Variants in RFESD observed in about 807,000 individuals in gnomAD.
The protein encoded by RFESD is Rieske Fe-S domain containing.
In RFESD, 16 loss-of-function variants were observed where a neutral mutation model predicts 24.4. That is an observed-to-expected ratio of 0.66 (90% CI 0.44 to 1.00). RFESD has a LOEUF of 1.00. Among genes scored for constraint, RFESD ranks in the 50% least tolerant of loss-of-function variants. The probability of loss-of-function intolerance (pLI) is 0.00; values close to 1 mark genes in which losing one functional copy is unlikely to be tolerated. For synonymous variants in RFESD, 59 were observed against 81.8 expected, an observed-to-expected ratio of 0.72 and a Z score of 1.50; for missense variants, 208 against 247.0, an observed-to-expected ratio of 0.84 and a Z score of 1.06.
intron 1 of RFESD, among the ~76,000 whole-genome samples, chr5:95,651,831 G>A (rs903545132): frequency 9.9e-5 from 15 of 152,282 alleles, no homozygotes; most frequent in African/African-American, 3.4e-4. Flanking sequence ...ATATTAAAGA[G>A]TGGAATAGGA....
chr5:95,648,648 A>G (rs772661991), intron 1 of RFESD, among the ~76,000 whole-genome samples: 5 of 152,166 alleles, frequency 3.3e-5, no homozygotes, highest in Non-Finnish European at 7.4e-5. Flanking sequence ...CACAGCCATA[A>G]TCATAGTTCT....
intron 1 of RFESD, chr5:95,647,347 G>C (rs1750148622): frequency 2.0e-5 from 3 of 152,276 alleles, no homozygotes; most frequent in East Asian, 1.9e-4. Flanking sequence ...GTTTTCTGCG[G>C]TTAGGCCTGC....
At chr5:95,647,384 A>G (rs1750150791) in intron 1 of RFESD, 1 of 152,210 alleles carries the variant, frequency 6.6e-6, no homozygotes. Flanking sequence ...GTGTTAAAGC[A>G]TTTATGTGCT....
In RFESD at chr5:95,656,990, T is replaced by C. The variant is rs937676161; in HGVS notation, c.*681T>C. 2 of 152,108 alleles carry C rather than the reference T, an allele frequency of 1.3e-5. No homozygotes were observed. The highest frequency in any genetic ancestry group is 4.8e-5 in the African/African-American group (2 of 41,418). 9.4% of individuals were successfully genotyped at this position (152,108 alleles called of 1,614,324 possible). A position where few individuals can be genotyped will look rare whatever the true frequency, so the allele number is the denominator to read the frequency against. ...ACTTGAAAATAAGAAACTTAACCAC[T>C]GTTAAGTGATCTGTGATCAAGGCAG... On this transcript the variant is annotated 3_prime_UTR_variant, in exon 6 of 6. Transcript: ENST00000380005.
chr5:95,651,384 A>G (rs1750329640), intron 1 of RFESD, among the ~76,000 whole-genome samples: 1 of 152,174 alleles, frequency 6.6e-6, no homozygotes. Context: ...AGCATTCCAC[A>G]GCAAACTTTT....
Position 95,656,402 on chromosome 5 carries a change from A to C in RFESD, c.*93A>C. ...GTTTTAAAGGTGATGAAATTTTTCA[A>C]CATAGGCACAACTGTTTAAAATTCA... is the stretch of plus-strand genomic sequence containing the variant. On this transcript the variant is annotated 3_prime_UTR_variant, in exon 6 of 6. Transcript: ENST00000380005. 2 of 960,054 alleles carry C rather than the reference A, an allele frequency of 2.1e-6. No individual in the cohort carries two copies. The highest frequency in any genetic ancestry group is 1.5e-6 in the Non-Finnish European group (1 of 645,928). 59.5% of individuals were successfully genotyped at this position (960,054 alleles called of 1,614,324 possible).
intron 1 of RFESD, among the ~76,000 whole-genome samples, chr5:95,651,211 AT>A (rs1272233661): frequency 6.6e-6 from 1 of 152,174 alleles, no homozygotes; most frequent in African/African-American, 2.4e-5. Flanking sequence ...GGAAAGGTAC[AT>A]TATCATGTTG....
chr5:95,653,115 A>C lies in RFESD; in HGVS notation c.61-2A>C. ...AGGCTTTTGTATTTGCTCTTCTTTC[A>C]GTATGGAATTCTCTTCCCCAAGCTG... On this transcript the variant is annotated splice_acceptor_variant, in intron 2 of 5. Coordinates refer to ENST00000380005, the MANE Select transcript of RFESD (RefSeq NM_001131066.2). LOFTEE classifies it high-confidence loss of function. 6.4e-7 allele frequency: 1 copy of C among 1,551,540 alleles called. No individual in the cohort carries two copies. The highest frequency in any genetic ancestry group is 8.7e-7 in the Non-Finnish European group (1 of 1,146,954).
At position 95,650,870 on chromosome 5, in the gene RFESD, G is replaced by A. The variant is rs139259738; in HGVS notation, c.-135-1267G>A. Reference sequence around the variant, plus strand: ...TCCCAGCACATTGGGAGGCCGAGGCGGGCGGATCATGAGGTCAGGAGATCG... The same window carrying A: ...TCCCAGCACATTGGGAGGCCGAGGCAGGCGGATCATGAGGTCAGGAGATCG... On this transcript the variant is annotated intron_variant, in intron 1 of 5. Coordinates refer to ENST00000380005, the MANE Select transcript of RFESD (RefSeq NM_001131066.2). 4.8e-3 allele frequency among the ~76,000 whole-genome samples: 736 copies of A among 152,194 alleles called. 2 individuals carry two copies. The highest frequency in any genetic ancestry group is 0.017 in the African/African-American group (714 of 41,534).
chr5:95,654,260 A>C lies in RFESD; in HGVS notation c.334+24A>C. 4 of 1,609,964 alleles carry C rather than the reference A, an allele frequency of 2.5e-6. No homozygotes were observed. In the Admixed American group the frequency reaches 5.0e-5, roughly 20 times the overall value. ...CCGTAAGATTTTATTTTTCATTTGTAAAACTTTAAACCATGAAACTATCAA... is the reference window on the plus strand; with the variant it reads ...CCGTAAGATTTTATTTTTCATTTGTCAAACTTTAAACCATGAAACTATCAA... On this transcript the variant is annotated intron_variant, in intron 4 of 5. Coordinates refer to ENST00000380005, the MANE Select transcript of RFESD (RefSeq NM_001131066.2).
At chr5:95,652,969 C>G in intron 2 of RFESD, 148 bp from the exon 3 acceptor site, 1 of 1,110,392 alleles carries the variant, frequency 9.0e-7, no homozygotes, top group East Asian at 2.6e-5. Flanking sequence ...AGTGGCTTTC[C>G]TTTGCTCTTA....
In RFESD at chr5:95,654,227, C is replaced by T. The variant is rs764934254; in HGVS notation, c.325C>T (p.Arg109Cys). ...GGGAGAATATCATGCTATGGATATT[C>T]GCTGTTACCGTAAGATTTTATTTTT... Reference protein sequence around the residue: ...HKGEYHAMDIRCYHSGGPLHL... With the variant: ...HKGEYHAMDICCYHSGGPLHL... Residue 109 changes from arginine to cysteine, a missense_variant, in exon 4 of 6, where the codon CGC (arginine) becomes TGC (cysteine). Arg to Cys is a radical substitution (Grantham distance 180). Coordinates refer to ENST00000380005, the MANE Select transcript of RFESD (RefSeq NM_001131066.2). 56 of 1,611,710 alleles carry T rather than the reference C, an allele frequency of 3.5e-5. No homozygotes were observed. The Middle Eastern group carries it at 8.7e-4, about 25-fold the overall frequency.
intron 1 of RFESD, among the ~76,000 whole-genome samples, chr5:95,651,661 T>C (rs1345623861): frequency 2.0e-5 from 3 of 152,254 alleles, no homozygotes; most frequent in Admixed American, 1.3e-4. Flanking sequence ...CCTCCCAAAG[T>C]GCTGGGATTA....
At position 95,656,335 on chromosome 5, in the gene RFESD, G is replaced by A. The variant is rs747678988; in HGVS notation, c.*26G>A. On this transcript the variant is annotated 3_prime_UTR_variant, in exon 6 of 6. Coordinates refer to ENST00000380005, the MANE Select transcript of RFESD (RefSeq NM_001131066.2). The stretch of plus-strand genomic sequence containing the variant: ...TAAAAAATATATAGAAATGAAAAAT[G>A]TTGTGTATGCTTGAAAACATTTTTA... 2.0e-5 allele frequency: 31 copies of A among 1,558,306 alleles called. No homozygotes were observed. The highest frequency in any genetic ancestry group is 4.5e-5 in the East Asian group (2 of 44,570).
In RFESD at chr5:95,658,000, A is replaced by G. The variant is rs540386523; in HGVS notation, c.*1691A>G. On this transcript the variant is annotated 3_prime_UTR_variant, in exon 6 of 6. Coordinates refer to ENST00000380005, the MANE Select transcript of RFESD (RefSeq NM_001131066.2). ...TTTTCTCATAGGAGCCACTGGCAAT[A>G]ATGAGTAGTGTGCACTTGATTTTTC... The G allele has an allele frequency of 1.2e-4, 18 of 152,328 alleles. No individual in the cohort carries two copies. The highest frequency in any genetic ancestry group is 4.1e-4 in the African/African-American group (17 of 41,576). The allele number at this position is 152,328 out of a possible 1,614,324, so 9.4% of individuals were successfully genotyped here. A position where few individuals can be genotyped will look rare whatever the true frequency, so the allele number is the denominator to read the frequency against.
In RFESD at chr5:95,652,270, A is replaced by G; in HGVS notation, c.-2A>G. On this transcript the variant is annotated 5_prime_UTR_variant, in exon 2 of 6. Transcript: ENST00000380005. ...ACAACCTCTCTTCCACCTGACCTCT[A>G]AATGTTGAAGTGTTTCAGGAATTGT... is the stretch of plus-strand genomic sequence containing the variant. 6.5e-7 allele frequency: 1 copy of G among 1,549,994 alleles called. No individual in the cohort carries two copies. Among genetic ancestry groups the G allele is most frequent in the Non-Finnish European group, 8.7e-7 (1 of 1,145,964 alleles).
chr5:95,654,299 T>C (rs1190628762), intron 4 of RFESD, 34 bp from the exon 5 acceptor site: 1 of 1,609,990 alleles, frequency 6.2e-7, no homozygotes, highest in African/African-American at 1.3e-5. Context: ...TTCAGTTTTT[T>C]AGTGACTGCA....
rs1284494963 is a variant in RFESD, at chr5:95,657,756, G to T, written c.*1447G>T. 1 of 152,072 alleles carries T rather than the reference G, an allele frequency of 6.6e-6. No individual in the cohort carries two copies. The highest frequency in any genetic ancestry group is 1.5e-5 in the Non-Finnish European group (1 of 68,004). 9.4% of individuals were successfully genotyped at this position (152,072 alleles called of 1,614,324 possible). On this transcript the variant is annotated 3_prime_UTR_variant, in exon 6 of 6. Coordinates refer to ENST00000380005, the MANE Select transcript of RFESD (RefSeq NM_001131066.2). ...CAGACAACCAACGAACCAGACTTGG[G>T]CTTTTTATAGATACTGTTTGTGGTA...
intron 1 of RFESD, chr5:95,647,498 C>T (rs191572154): frequency 2.9e-4 from 44 of 152,258 alleles, no homozygotes; most frequent in Admixed American, 2.7e-3. Context: ...GGATGCAAAC[C>T]CAGGTCTAGC....
Sources: gnomAD v4.1 joint callset for allele counts (sites outside exome capture counted in the v4.1 genomes callset) on GRCh38, gnomAD v4.1.1 for gene constraint, MANE v1.5 for transcripts, NCBI Gene and HGNC (gene_info 2026-07-23, HGNC 2026-07-21) for gene names.